Variants in LRP4 observed in about 807,000 individuals in gnomAD.
LRP4 encodes low-density lipoprotein receptor-related protein 4.
A neutral mutation model predicts 220.3 loss-of-function variants in LRP4; 95 were observed. That is an observed-to-expected ratio of 0.43 (90% CI 0.37 to 0.51). LRP4 has a LOEUF of 0.51. Among genes scored for constraint, LRP4 ranks in the 20% least tolerant of loss-of-function variants. The probability of loss-of-function intolerance (pLI) is 0.00; values close to 1 mark genes in which losing one functional copy is unlikely to be tolerated. For missense variants in LRP4, 1,925 were observed against 2,567.0 expected (o/e 0.75, Z 5.40); for synonymous variants, 903 against 954.6 (o/e 0.95, Z 1.00).
chr11:46,859,420 G>T, intron 37 of LRP4, 105 bp from the exon 38 acceptor site: 1 of 849,316 alleles, frequency 1.2e-6, no homozygotes, highest in East Asian at 2.5e-5. Flanking sequence ...GGAGTGAAGC[G>T]CACAAAAATC....
At chr11:46,871,386 C>T in intron 31 of LRP4, 139 bp downstream of exon 31, 1 of 728,952 alleles carries the variant, frequency 1.4e-6, no homozygotes, top group Non-Finnish European at 2.5e-6. Context: ...ACCAAGGCTT[C>T]AGGGCACAGG....
chr11:46,874,998 T>C lies in LRP4; in HGVS notation c.4031A>G (p.Asp1344Gly). ...ACPTGIQLKG[D>G]GKTCDPSPET... ...AGGAGAGGGATCACAGGTCTTCCCATCTCCCTTCAGCTGGATGCCAGTGGG... is the reference window on the plus strand; with the variant it reads ...AGGAGAGGGATCACAGGTCTTCCCACCTCCCTTCAGCTGGATGCCAGTGGG... Residue 1344 changes from aspartate to glycine, a missense_variant, in exon 28 of 38, where the codon GAT becomes GGT. Asp to Gly is a moderately conservative substitution (Grantham distance 94). Coordinates refer to ENST00000378623, the MANE Select transcript of LRP4 (RefSeq NM_002334.4). 3 of 1,614,034 alleles carry C rather than the reference T, an allele frequency of 1.9e-6. No individual in the cohort carries two copies. Among genetic ancestry groups the C allele is most frequent in the Non-Finnish European group, 2.5e-6 (3 of 1,180,022 alleles).
intron 11 of LRP4, among the ~76,000 whole-genome samples, 161 bp from the exon 12 acceptor site, chr11:46,894,980 CCTCCACCCCTCCCCACCCCA>C (rs955959573): frequency 1.3e-5 from 2 of 152,080 alleles, no homozygotes; most frequent in Admixed American, 6.5e-5. Flanking sequence ...AAACTATATT[CCTCCACCCCTCCCCACCCCA>C]CTCCACCCCA....
chr11:46,895,785 G>A, intron 10 of LRP4, 99 bp downstream of exon 10: 2 of 1,537,968 alleles, frequency 1.3e-6, no homozygotes, highest in South Asian at 1.1e-5. Context: ...ACGAAATGAG[G>A]TCACACCGTT....
intron 36 of LRP4, among the ~76,000 whole-genome samples, chr11:46,863,584 CAAAAAAAA>C (rs55744712): frequency 0.012 from 652 of 54,140 alleles, 4 homozygotes; most frequent in African/African-American, 0.037. Context: ...ACTAAAAATA[CAAAAAAAA>C]AAAAAAAAAA....
At position 46,898,641 on chromosome 11, in the gene LRP4, C is replaced by T. The variant is rs770285774; in HGVS notation, c.713G>A (p.Cys238Tyr). 1 of 1,614,212 alleles carries T rather than the reference C, an allele frequency of 6.2e-7. No homozygotes were observed. The highest frequency in any genetic ancestry group is 1.7e-5 in the Admixed American group (1 of 60,024). The change falls in exon 7 of 38, where the codon TGT becomes TAT. Residue 238 changes from cysteine to tyrosine, a missense_variant. Physicochemically the swap from Cys to Tyr is radical, Grantham distance 194. This residue lies in a region of LRP4 where 412 missense variants were observed against 505.4 expected (regional missense o/e 0.82). Coordinates refer to ENST00000378623, the MANE Select transcript of LRP4 (RefSeq NM_002334.4). ...TGCATTGATGCACAGGCCACTGTCA[C>T]ACATGAACTCCCCAGAGCGGCAGGG... is the stretch of plus-strand genomic sequence containing the variant. The part of the protein sequence containing the change: ...HQPCRSGEFM[C>Y]DSGLCINAGW...
At chr11:46,872,086 G>A (rs144217901) in intron 30 of LRP4, among the ~76,000 whole-genome samples, 1,534 of 152,164 alleles carry the variant, frequency 0.01, 8 homozygotes, top group Non-Finnish European at 0.016. Context: ...GTGAAACCCC[G>A]TCTCTGCTAA....
At chr11:46,860,690 T>C (rs2134754640) in intron 37 of LRP4, among the ~76,000 whole-genome samples, 1 of 152,308 alleles carries the variant, frequency 6.6e-6, no homozygotes, top group South Asian at 2.1e-4. Flanking sequence ...ATATAAAACA[T>C]GGTCCCTGCC....
At position 46,875,995 on chromosome 11, in the gene LRP4, A is replaced by T. The variant is rs77382495; in HGVS notation, c.3537-29T>A. ...AGTGAGGAAGAATATTAGCTATATT[A>T]GCTAGTTATTCCAGCAGCTACCACA... On this transcript the variant is annotated intron_variant, in intron 25 of 37. Transcript: ENST00000378623. This position sits in a 1 kb window ranked among gnomAD's most constrained non-coding sequence, Gnocchi z 4.5. 3.9e-4 allele frequency: 625 copies of T among 1,607,102 alleles called. 4 individuals are homozygous for T. In the African/African-American group the frequency reaches 7.0e-3, roughly 18 times the overall value.
chr11:46,880,222 TCCA>T (rs1941119903), intron 20 of LRP4, among the ~76,000 whole-genome samples: 1 of 145,586 alleles, frequency 6.9e-6, no homozygotes, highest in Admixed American at 7.1e-5. Context: ...GGCGCACAGC[TCCA>T]GCTACTCAGG....
intron 1 of LRP4, among the ~76,000 whole-genome samples, chr11:46,914,428 G>C (rs568610623): frequency 6.6e-6 from 1 of 152,220 alleles, no homozygotes; most frequent in African/African-American, 2.4e-5. Flanking sequence ...CCGATTGTAC[G>C]AGGAACTCAT....
At position 46,882,319 on chromosome 11, in the gene LRP4, CA is replaced by C. The variant is rs113917466; in HGVS notation, c.2613-417del. On this transcript the variant is annotated intron_variant, in intron 19 of 37. Transcript: ENST00000378623. Reference sequence around the variant, plus strand: ...CAACATAGTAGGATCCCATCTCTACCAAAAAAAAAGGGCCAGATATGGTGGT... The same window carrying C: ...CAACATAGTAGGATCCCATCTCTACCAAAAAAAAGGGCCAGATATGGTGGT... Among the ~76,000 whole-genome samples the C allele has an allele frequency of 4.4e-4, 65 of 147,312 alleles. 1 individual carries two copies. Among genetic ancestry groups the C allele is most frequent in the African/African-American group, 1.5e-3 (59 of 40,066 alleles).
chr11:46,868,704 G>C lies in LRP4; in HGVS notation c.4847C>G (p.Ala1616Gly). 6.2e-7 allele frequency: 1 copy of C among 1,612,482 alleles called. No homozygotes were observed. The highest frequency in any genetic ancestry group is 8.5e-7 in the Non-Finnish European group (1 of 1,178,466). Residue 1616 changes from alanine to glycine, a missense_variant, in exon 33 of 38, where the codon GCC becomes GGC. Physicochemically the swap from Ala to Gly is moderately conservative, Grantham distance 60. This residue lies in a region of LRP4 where 1,244 missense variants were observed against 1,624.9 expected (regional missense o/e 0.77). Transcript: ENST00000378623. ...GCAGCCACCATTGTTCACACCACAG[G>C]CATTGGTCCCTGGAGGCAAAGTAGA... ...VSPQRQTGTN[A>G]CGVNNGGCTH...
intron 20 of LRP4, among the ~76,000 whole-genome samples, chr11:46,880,555 C>G (rs895755042): frequency 6.6e-6 from 1 of 152,022 alleles, no homozygotes; most frequent in Non-Finnish European, 1.5e-5. Context: ...GCCAGGAGGT[C>G]GCAGTTACAG....
chr11:46,897,996 C>T (rs1194991896), intron 7 of LRP4, among the ~76,000 whole-genome samples: 3 of 143,142 alleles, frequency 2.1e-5, no homozygotes, highest in Non-Finnish European at 3.0e-5. Flanking sequence ...GCTGGCCGGG[C>T]GGGGGGCTGA....
At chr11:46,882,587 C>A (rs1323053367) in intron 19 of LRP4, among the ~76,000 whole-genome samples, 1 of 152,144 alleles carries the variant, frequency 6.6e-6, no homozygotes, top group Non-Finnish European at 1.5e-5. Flanking sequence ...TGCAGTGGCT[C>A]ACACCTGTAA....
chr11:46,894,767 C>T lies in LRP4; in HGVS notation c.1362G>A (p.Leu454=). Residue 454 remains leucine, a synonymous_variant, in exon 12 of 38, where the codon CTG becomes CTA. Transcript: ENST00000378623. ...FANRIDIRQV[L]PHRSEYTLLL... is the part of the protein sequence containing the mutation. ...GCAGTGTGTACTCAGAGCGGTGTGG[C>T]AGCACCTGCCGGATGTCGATGCGAT... 2 of 1,614,238 alleles carry T rather than the reference C, an allele frequency of 1.2e-6. No homozygotes were observed. The highest frequency in any genetic ancestry group is 1.7e-6 in the Non-Finnish European group (2 of 1,180,036).
In LRP4 at chr11:46,899,915, C is replaced by A. The variant is rs201749120; in HGVS notation, c.378G>T (p.Leu126=). 6.2e-7 allele frequency: 1 copy of A among 1,613,996 alleles called. No homozygotes were observed. Among genetic ancestry groups the A allele is most frequent in the African/African-American group, 1.3e-5 (1 of 75,082 alleles). ...PCQNGYCIRS[L]WHCDGDNDCG... ...AGTCATTGTCACCATCGCAGTGCCA[C>A]AGACTCCGGATGCAGTAGCCATTCT... Residue 126 remains leucine (L), a synonymous_variant, in exon 4 of 38, where the codon CTG becomes CTT. Transcript: ENST00000378623. The surrounding 1 kb of genome is among the most constrained non-coding windows in gnomAD (Gnocchi z 5.9).
At chr11:46,881,626 ACT>A in intron 20 of LRP4, 74 bp downstream of exon 20, 1 of 1,412,034 alleles carries the variant, frequency 7.1e-7, no homozygotes, top group African/African-American at 1.4e-5. Flanking sequence ...GCCAAAAAGT[ACT>A]GTCCTGGAGG....
Sources: gnomAD v4.1 joint callset for allele counts (sites outside exome capture counted in the v4.1 genomes callset) on GRCh38, gnomAD v4.1.1 for gene constraint, gnomAD v4.1.1 regional missense constraint, Gnocchi (gnomAD v3.1) non-coding constraint, MANE v1.5 for transcripts, NCBI Gene and HGNC (gene_info 2026-07-23, HGNC 2026-07-21) for gene names.